The following CACNA1C variants were observed in gnomAD, a reference collection of about 807,000 sequenced individuals.
CACNA1C encodes calcium voltage-gated channel subunit alpha1 C.
Under a neutral mutation model 229.0 loss-of-function variants are expected in CACNA1C, and 30 were observed. That is an observed-to-expected ratio of 0.13 (90% confidence interval 0.10 to 0.18). The LOEUF (loss-of-function observed/expected upper bound fraction) is 0.18, where lower values mean the gene tolerates loss of function less well. Among genes scored for constraint, CACNA1C ranks in the 10% least tolerant of loss-of-function variants. CACNA1C has a pLI of 1.00. For missense variants in CACNA1C, 1,658 were observed against 2,845.0 expected (o/e 0.58, Z 9.49); for synonymous variants, 1,114 against 1,132.5 (o/e 0.98, Z 0.33).
At chr12:2,102,015 T>C (rs540355506) in intron 1 of CACNA1C, among the ~76,000 whole-genome samples, 7 of 152,298 alleles carry the variant, frequency 4.6e-5, no homozygotes, top group Admixed American at 6.5e-5. Context: ...ACATTGGTAG[T>C]GTGCACATAC....
chr12:2,420,923 C>G (rs1423413758), intron 3 of CACNA1C, among the ~76,000 whole-genome samples: 2 of 152,186 alleles, frequency 1.3e-5, no homozygotes, highest in South Asian at 2.1e-4. Flanking sequence ...TGCTCTGAAA[C>G]CTTAGTGCCT....
rs912796707 is a variant in CACNA1C, at chr12:2,457,431, C to T, written c.618-136C>T. 1.5e-5 allele frequency: 12 copies of T among 826,308 alleles called. No individual in the cohort carries two copies. In the Admixed American group the frequency reaches 1.5e-4, roughly 10 times the overall value. The allele number at this position is 826,308 out of a possible 1,614,324, so 51.2% of individuals were successfully genotyped here. A position where few individuals can be genotyped will look rare whatever the true frequency, so the allele number is the denominator to read the frequency against. ...CTTACAACCACCCACAGACTCCACG[C>T]ACACCCACAACGCCCGCCCCTGGGC... On this transcript the variant is annotated intron_variant, in intron 4 of 46. Transcript: ENST00000399655.
At chr12:2,603,522 A>G (rs1288123814) in intron 22 of CACNA1C, 1 of 152,180 alleles carries the variant, frequency 6.6e-6, no homozygotes, top group Non-Finnish European at 1.5e-5. Flanking sequence ...GAGGGTTAGG[A>G]TGTGCTCCAT....
intron 3 of CACNA1C, among the ~76,000 whole-genome samples, chr12:2,356,411 GT>G (rs1213350847): frequency 6.6e-6 from 1 of 152,270 alleles, no homozygotes; most frequent in Non-Finnish European, 1.5e-5. Flanking sequence ...CTGAGAGGCA[GT>G]GTGGTATGGA....
intron 13 of CACNA1C, among the ~76,000 whole-genome samples, chr12:2,570,764 G>T (rs1457364953): frequency 2.0e-5 from 3 of 152,146 alleles, no homozygotes; most frequent in Admixed American, 2.0e-4. Context: ...GTGGGCGTGG[G>T]AATTACCTGC....
chr12:2,328,334 A>G (rs1007963295), intron 3 of CACNA1C, among the ~76,000 whole-genome samples: 1 of 152,012 alleles, frequency 6.6e-6, no homozygotes, highest in African/African-American at 2.4e-5. Context: ...CAGGTTTAAC[A>G]TAAGTTCCTG....
intron 1 of CACNA1C, among the ~76,000 whole-genome samples, chr12:2,109,941 C>A (rs1023843728): frequency 6.6e-6 from 1 of 152,208 alleles, no homozygotes; most frequent in Non-Finnish European, 1.5e-5. Flanking sequence ...TCACTGTAGT[C>A]CACCTTCACC....
chr12:2,431,189 A>T lies in CACNA1C; in HGVS notation c.478-17787A>T, dbSNP rs140313518. 2.6e-5 allele frequency among the ~76,000 whole-genome samples: 4 copies of T among 152,302 alleles called. No individual in the cohort carries two copies. In the East Asian group the frequency reaches 7.7e-4, roughly 29 times the overall value. ...AAGTCAAGATCCCCAGGTCCTCCCCAGGATCTTCTGACCTAGCAGGTCTGG... is the reference window on the plus strand; with the variant it reads ...AAGTCAAGATCCCCAGGTCCTCCCCTGGATCTTCTGACCTAGCAGGTCTGG... On this transcript the variant is annotated intron_variant, in intron 3 of 46. Transcript: ENST00000399655.
rs1317436803 is a variant in CACNA1C, at chr12:2,053,917, C to T, written c.49+306C>T. ...GTTCCCCAAGTGGCTGCCGCCGCCT[C>T]GCTTTCTCGCGTCCGCCTGGAGAGC... On this transcript the variant is annotated intron_variant, in intron 1 of 46. Transcript: ENST00000399655. The surrounding 1 kb of genome is among the most constrained non-coding windows in gnomAD (Gnocchi z 5.8). 6.7e-6 allele frequency among the ~76,000 whole-genome samples: 1 copy of T among 150,328 alleles called. No homozygotes were observed. The highest frequency in any genetic ancestry group is 1.5e-5 in the Non-Finnish European group (1 of 67,394).
chr12:2,064,606 C>T (rs919286441), intron 1 of CACNA1C, among the ~76,000 whole-genome samples: 3 of 152,058 alleles, frequency 2.0e-5, no homozygotes, highest in African/African-American at 4.8e-5. Flanking sequence ...GAGGCAAAAA[C>T]GTGAGAAGAA....
intron 3 of CACNA1C, among the ~76,000 whole-genome samples, chr12:2,393,020 C>T (rs1250954548): frequency 3.9e-5 from 6 of 152,274 alleles, no homozygotes; most frequent in East Asian, 1.9e-4. Flanking sequence ...AAAGTACTGT[C>T]GTGCACTTCA....
Position 2,302,686 on chromosome 12 carries a change from T to G in CACNA1C, c.478-146290T>G, listed in dbSNP as rs191965088. On this transcript the variant is annotated intron_variant, in intron 3 of 46. Transcript: ENST00000399655. ...CCTTAGAGGGGTTTAAATACATCAA[T>G]AGCTTATTCGCCAAAATGTATCCAG... Among the ~76,000 whole-genome samples the G allele has an allele frequency of 1.2e-3, 190 of 152,306 alleles. 1 individual carries two copies. Among genetic ancestry groups the G allele is most frequent in the Admixed American group, 0.012 (188 of 15,304 alleles).
chr12:2,606,941 A>G (rs2075660876), intron 25 of CACNA1C, 43 bp from the exon 26 acceptor site: 2 of 1,604,170 alleles, frequency 1.2e-6, no homozygotes, highest in Non-Finnish European at 1.7e-6. Flanking sequence ...GCGTGAAGGA[A>G]GATGGGAGAT....
intron 3 of CACNA1C, among the ~76,000 whole-genome samples, chr12:2,343,981 G>C (rs2096934507): frequency 6.6e-6 from 1 of 152,144 alleles, no homozygotes; most frequent in Non-Finnish European, 1.5e-5. Context: ...TGGAAATAGA[G>C]AAAACGGTGC....
intron 1 of CACNA1C, among the ~76,000 whole-genome samples, chr12:2,025,282 C>T (rs913928320): frequency 6.6e-6 from 1 of 152,176 alleles, no homozygotes; most frequent in Admixed American, 6.5e-5. Context: ...TTCCACAGAA[C>T]ATCTGGAAGA....
At chr12:2,031,374 A>G (rs2048189568) in intron 1 of CACNA1C, among the ~76,000 whole-genome samples, 2 of 152,174 alleles carry the variant, frequency 1.3e-5, no homozygotes, top group Admixed American at 6.5e-5. Flanking sequence ...ACTAAGTGGG[A>G]GGCCAGATTC....
intron 3 of CACNA1C, among the ~76,000 whole-genome samples, chr12:2,154,069 TCTCA>T (rs2095428310): frequency 6.6e-6 from 1 of 152,170 alleles, no homozygotes; most frequent in African/African-American, 2.4e-5. Context: ...CGGCCTCTTC[TCTCA>T]CTCGAGTGAT....
rs143042522 is a variant in CACNA1C, at chr12:2,566,242, TC to T, written c.1509-176del. Among the ~76,000 whole-genome samples the T allele has an allele frequency of 6.6e-6, 1 of 152,240 alleles. No homozygotes were observed. The highest frequency in any genetic ancestry group is 1.9e-4 in the East Asian group (1 of 5,182). On this transcript the variant is annotated intron_variant, in intron 11 of 46. Transcript: ENST00000399655. This position sits in a 1 kb window ranked among gnomAD's most constrained non-coding sequence, Gnocchi z 4.0. ...TGAAGCTTGGAGGAGTTCAGGGGCA[TC>T]CCCAAGGCGGCAGGGCCTGGTTAGC...
intron 13 of CACNA1C, 68 bp downstream of exon 13, chr12:2,567,862 G>A (rs2052016239): frequency 2.1e-6 from 2 of 953,234 alleles, no homozygotes; most frequent in African/African-American, 3.2e-5. Flanking sequence ...GGCAAGGGAG[G>A]TGGCAAGGCC....
Sources: gnomAD v4.1 joint callset for allele counts (sites outside exome capture counted in the v4.1 genomes callset) on GRCh38, gnomAD v4.1.1 for gene constraint, Gnocchi (gnomAD v3.1) non-coding constraint, MANE v1.5 for transcripts, NCBI Gene and HGNC (gene_info 2026-07-23, HGNC 2026-07-21) for gene names.